Variants in MYLK4 observed in about 807,000 individuals in gnomAD.
MYLK4 encodes myosin light chain kinase family member 4.
In MYLK4, 46 loss-of-function variants were observed where a neutral mutation model predicts 48.1. That is an observed-to-expected ratio of 0.96 (90% CI 0.75 to 1.22). The LOEUF is 1.22. Ranked by LOEUF, MYLK4 falls within the 50% of genes most tolerant of loss-of-function variation. MYLK4 has a pLI of 0.00. For synonymous variants in MYLK4, 170 were observed against 180.8 expected (o/e 0.94, Z 0.48); for missense variants, 451 against 486.1 (o/e 0.93, Z 0.68).
the MYLK4 span, among the ~76,000 whole-genome samples, chr6:2,767,161 C>T: frequency 6.6e-6 from 1 of 152,176 alleles, no homozygotes; most frequent in African/African-American, 2.4e-5. Flanking sequence ...GAGGCGTTAG[C>T]GTTCCAGATG....
At chr6:2,691,514 A>G (rs769072960) in intron 3 of MYLK4, among the ~76,000 whole-genome samples, 12 of 152,228 alleles carry the variant, frequency 7.9e-5, no homozygotes, top group Non-Finnish European at 1.5e-4. Flanking sequence ...AAGTCATTCA[A>G]TAATCTATGT....
intron 10 of MYLK4, 86 bp downstream of exon 10, chr6:2,678,128 TAGTAAG>T: frequency 6.8e-7 from 1 of 1,461,452 alleles, no homozygotes; most frequent in Non-Finnish European, 9.3e-7. Flanking sequence ...TCACAGATGT[TAGTAAG>T]AGAATAAATT....
chr6:2,719,585 G>A (rs1014375898), intron 2 of MYLK4, among the ~76,000 whole-genome samples: 1 of 151,966 alleles, frequency 6.6e-6, no homozygotes, highest in African/African-American at 2.4e-5. Context: ...GCCTCTGTTT[G>A]GTGATTTATT....
intron 8 of MYLK4, 170 bp from the exon 9 acceptor site, chr6:2,679,578 A>T: frequency 1.2e-6 from 1 of 840,608 alleles, no homozygotes; most frequent in Non-Finnish European, 1.9e-6. Flanking sequence ...ACTTGTAAAG[A>T]GGCCCCAGAA....
At chr6:2,762,987 C>T in the MYLK4 span, among the ~76,000 whole-genome samples, 1 of 152,072 alleles carries the variant, frequency 6.6e-6, no homozygotes, top group South Asian at 2.1e-4. Context: ...GAACAAAACA[C>T]CCACACAAGC....
chr6:2,688,089 T>C (rs1313813002), intron 4 of MYLK4, among the ~76,000 whole-genome samples: 1 of 151,950 alleles, frequency 6.6e-6, no homozygotes, highest in African/African-American at 2.4e-5. Context: ...AGACAGAGTC[T>C]TACTCTGTCA....
intron 2 of MYLK4, among the ~76,000 whole-genome samples, chr6:2,725,859 C>A (rs1763253651): frequency 6.6e-6 from 1 of 152,214 alleles, no homozygotes; most frequent in African/African-American, 2.4e-5. Context: ...CACGTGAGTG[C>A]CTCTCACTCA....
chr6:2,749,144 G>T lies in MYLK4; in HGVS notation c.151C>A (p.His51Asn). The change falls in exon 2 of 13, where the codon CAT becomes AAT. Residue 51 changes from histidine (H) to asparagine (N), a missense_variant. Coordinates refer to ENST00000274643, the MANE Select transcript of MYLK4 (RefSeq NM_001012418.5). ...NSGDQDSRSGHNEAKEVWSNA... is the reference protein window; with the variant it reads ...NSGDQDSRSGNNEAKEVWSNA... Reference sequence around the variant, plus strand: ...AATTAGAACATGATTACCTCATTATGTCCAGATCTTGAATCCTGGTCCCCA... The same window carrying T: ...AATTAGAACATGATTACCTCATTATTTCCAGATCTTGAATCCTGGTCCCCA... 1 of 1,613,356 alleles carries T rather than the reference G, an allele frequency of 6.2e-7. No homozygotes were observed. Among genetic ancestry groups the T allele is most frequent in the Non-Finnish European group, 8.5e-7 (1 of 1,179,678 alleles).
At chr6:2,768,434 A>G in the MYLK4 span, among the ~76,000 whole-genome samples, 1 of 152,246 alleles carries the variant, frequency 6.6e-6, no homozygotes, top group Non-Finnish European at 1.5e-5. Flanking sequence ...AAAGGAATCA[A>G]AGGTGGTTAG....
chr6:2,749,952 C>T (rs1750737106), intron 1 of MYLK4, among the ~76,000 whole-genome samples: 1 of 152,238 alleles, frequency 6.6e-6, no homozygotes, highest in Admixed American at 6.5e-5. Context: ...GATACCTTTC[C>T]TTGCATCTGC....
intron 2 of MYLK4, among the ~76,000 whole-genome samples, chr6:2,725,360 G>A (rs1763219902): frequency 1.3e-5 from 2 of 151,932 alleles, no homozygotes. Context: ...GAGCTACTTG[G>A]GAGGCCAAGG....
chr6:2,725,248 AG>A (rs1048153347), intron 2 of MYLK4, among the ~76,000 whole-genome samples: 4 of 152,204 alleles, frequency 2.6e-5, no homozygotes, highest in African/African-American at 9.7e-5. Flanking sequence ...GCTTGAGGCC[AG>A]GATTTCAAGA....
At chr6:2,761,809 C>T in the MYLK4 span, among the ~76,000 whole-genome samples, 1 of 152,204 alleles carries the variant, frequency 6.6e-6, no homozygotes, top group Non-Finnish European at 1.5e-5. Flanking sequence ...CATGCACACA[C>T]ACACACAATC....
At chr6:2,737,988 GGGGT>G (rs201354891) in intron 2 of MYLK4, among the ~76,000 whole-genome samples, 2,144 of 113,658 alleles carry the variant, frequency 0.019, 375 homozygotes, top group African/African-American at 0.066. Flanking sequence ...GGGTGGGGGG[GGGGT>G]GGTCAATGTT....
upstream of MYLK4, among the ~76,000 whole-genome samples, chr6:2,755,395 A>G (rs998519322): frequency 1.1e-4 from 16 of 152,134 alleles, no homozygotes; most frequent in Non-Finnish European, 2.9e-5. Context: ...ATGAAACTTT[A>G]CCCCTATATG....
intron 2 of MYLK4, among the ~76,000 whole-genome samples, chr6:2,714,946 A>G (rs1762813390): frequency 6.6e-6 from 1 of 152,232 alleles, no homozygotes; most frequent in African/African-American, 2.4e-5. Context: ...GGCTGGGGTC[A>G]GGGAATGGGA....
chr6:2,680,118 G>C, intron 8 of MYLK4, 103 bp downstream of exon 8: 2 of 1,279,166 alleles, frequency 1.6e-6, no homozygotes, highest in East Asian at 2.5e-5. Context: ...AATTATAAAT[G>C]AGATCATGAA....
At position 2,663,775 on chromosome 6, in the gene MYLK4, T is replaced by A. The variant is rs1760536114; in HGVS notation, c.*4150A>T. On this transcript the variant is annotated 3_prime_UTR_variant, in exon 13 of 13. Coordinates refer to ENST00000274643, the MANE Select transcript of MYLK4 (RefSeq NM_001012418.5). The stretch of plus-strand genomic sequence containing the variant: ...CATGATAGACACAATCACCACGTTA[T>A]GAATCCTTTTTTTAATTTCTTATCA... 1 of 152,618 alleles carries A rather than the reference T, an allele frequency of 6.6e-6. No homozygotes were observed. Among genetic ancestry groups the A allele is most frequent in the Non-Finnish European group, 1.5e-5 (1 of 68,048 alleles). 9.5% of individuals were successfully genotyped at this position (152,618 alleles called of 1,614,324 possible). A position where few individuals can be genotyped will look rare whatever the true frequency, so the allele number is the denominator to read the frequency against.
intron 1 of MYLK4, among the ~76,000 whole-genome samples, chr6:2,750,275 G>T (rs1764249667): frequency 6.6e-6 from 1 of 152,138 alleles, no homozygotes; most frequent in East Asian, 1.9e-4. Flanking sequence ...TGTTTTGTCA[G>T]TTCCTATAGT....
Sources: allele counts gnomAD v4.1 joint callset (sites outside exome capture counted in the v4.1 genomes callset), GRCh38; gene constraint gnomAD v4.1.1; transcripts MANE v1.5; gene names NCBI Gene and HGNC (gene_info 2026-07-23, HGNC 2026-07-21).